VEGFC: variants seen among roughly 807,000 people sequenced by gnomAD.
The protein encoded by VEGFC is FLT4 ligand DHM.
A neutral mutation model predicts 46.1 loss-of-function variants in VEGFC; 12 were observed. The ratio of observed to expected loss-of-function variants is 0.26; its 90% CI spans 0.17 to 0.42. The LOEUF (loss-of-function observed/expected upper bound fraction) is 0.42, where lower values mean the gene tolerates loss of function less well. VEGFC is among the 10% of genes least tolerant of loss of function. The pLI is 1.00. For missense variants in VEGFC, 488 were observed against 529.4 expected, an observed-to-expected ratio of 0.92 and a Z score of 0.77; for synonymous variants, 232 against 195.5, an observed-to-expected ratio of 1.19 and a Z score of -1.56.
intron 1 of VEGFC, among the ~76,000 whole-genome samples, chr4:176,731,005 T>G (rs1734953624): frequency 1.3e-5 from 2 of 152,118 alleles, no homozygotes; most frequent in South Asian, 4.1e-4. Context: ...AGTTTACCCT[T>G]TCACTACCAT....
At chr4:176,776,640 A>G (rs1432531829) in intron 1 of VEGFC, among the ~76,000 whole-genome samples, 3 of 152,250 alleles carry the variant, frequency 2.0e-5, no homozygotes, top group Non-Finnish European at 4.4e-5. Flanking sequence ...GAGAGAGAAG[A>G]ATATGGGTCA....
rs1340408424 is a variant in VEGFC, at chr4:176,740,346, T to G, written c.148-10600A>C. ...ATAAATAAATATATATAACTATATA[T>G]TTATATATAGTTATATATATTCTAT... On this transcript the variant is annotated intron_variant, in intron 1 of 6. Coordinates refer to ENST00000618562, the MANE Select transcript of VEGFC (RefSeq NM_005429.5). Among the ~76,000 whole-genome samples, 12 of 120,482 alleles carry G rather than the reference T, an allele frequency of 1.0e-4. No homozygotes were observed. In the South Asian group the frequency reaches 1.2e-3, roughly 12 times the overall value. The allele number at this position is 120,482 out of a possible 152,430, so 79.0% of individuals were successfully genotyped here. A position where few individuals can be genotyped will look rare whatever the true frequency, so the allele number is the denominator to read the frequency against.
At chr4:176,714,930 G>C (rs1465215770) in intron 3 of VEGFC, among the ~76,000 whole-genome samples, 1 of 152,120 alleles carries the variant, frequency 6.6e-6, no homozygotes, top group Non-Finnish European at 1.5e-5. Flanking sequence ...TGCTTTCAAA[G>C]GCTGCAAGAA....
intron 1 of VEGFC, among the ~76,000 whole-genome samples, chr4:176,780,381 C>CAAAAAAAAAAAAAAAAAAAAAAA (rs1252541684): frequency 1.6e-4 from 2 of 12,250 alleles, no homozygotes; most frequent in Non-Finnish European, 3.3e-4. Flanking sequence ...GACTCCATCT[C>CAAAAAAAAAAAAAAAAAAAAAAA]AAAAAAAAAA....
intron 1 of VEGFC, among the ~76,000 whole-genome samples, chr4:176,764,962 A>G (rs1304612111): frequency 2.0e-5 from 3 of 152,174 alleles, no homozygotes; most frequent in African/African-American, 7.2e-5. Context: ...GGTATTGTAT[A>G]CTCAGGAAGC....
intron 1 of VEGFC, among the ~76,000 whole-genome samples, chr4:176,780,103 G>T (rs999156060): frequency 1.2e-4 from 18 of 152,182 alleles, no homozygotes; most frequent in African/African-American, 4.3e-4. Flanking sequence ...TTCTAGGCCA[G>T]GTGTGGTGGC....
intron 4 of VEGFC, among the ~76,000 whole-genome samples, chr4:176,707,237 A>T (rs1734550152): frequency 6.6e-6 from 1 of 152,220 alleles, no homozygotes; most frequent in South Asian, 2.1e-4. Flanking sequence ...TTCATAAGAA[A>T]CTGTCAACTG....
chr4:176,725,470 T>C (rs1351994807), intron 3 of VEGFC, among the ~76,000 whole-genome samples: 2 of 152,148 alleles, frequency 1.3e-5, no homozygotes, highest in African/African-American at 4.8e-5. Flanking sequence ...TGCCTAGCCA[T>C]AGATTTGGAT....
intron 1 of VEGFC, among the ~76,000 whole-genome samples, chr4:176,764,602 C>T (rs566868486): frequency 9.9e-5 from 15 of 152,238 alleles, no homozygotes; most frequent in Non-Finnish European, 4.4e-5. Flanking sequence ...AAAAAAATCT[C>T]ATAAATTCAT....
intron 2 of VEGFC, among the ~76,000 whole-genome samples, chr4:176,728,419 C>A (rs1196832334): frequency 1.3e-5 from 2 of 152,152 alleles, no homozygotes; most frequent in South Asian, 2.1e-4. Flanking sequence ...TATGAGAAGA[C>A]AGCTATGGTT....
intron 1 of VEGFC, among the ~76,000 whole-genome samples, chr4:176,736,660 ACT>A (rs978201392): frequency 4.6e-5 from 7 of 151,320 alleles, no homozygotes; most frequent in African/African-American, 9.7e-5. Flanking sequence ...AAAATAAAAG[ACT>A]CTTTCTTGGT....
intron 1 of VEGFC, among the ~76,000 whole-genome samples, chr4:176,750,339 T>C (rs983160906): frequency 5.3e-5 from 8 of 151,738 alleles, no homozygotes; most frequent in Non-Finnish European, 8.9e-5. Flanking sequence ...TAAAACTACA[T>C]GATGATTACA....
chr4:176,735,923 A>C, intron 1 of VEGFC, among the ~76,000 whole-genome samples: 1 of 151,964 alleles, frequency 6.6e-6, no homozygotes, highest in East Asian at 1.9e-4. Context: ...ACATTTAAAT[A>C]GCCTTCTATA....
At chr4:176,720,992 G>C (rs1734777215) in intron 3 of VEGFC, among the ~76,000 whole-genome samples, 1 of 152,104 alleles carries the variant, frequency 6.6e-6, no homozygotes, top group Non-Finnish European at 1.5e-5. Flanking sequence ...TTAGGCCTAA[G>C]GATGAGTAGA....
At chr4:176,695,819 T>A (rs1472352556) in intron 4 of VEGFC, among the ~76,000 whole-genome samples, 3 of 152,138 alleles carry the variant, frequency 2.0e-5, no homozygotes, top group Non-Finnish European at 4.4e-5. Context: ...GCAAGACTGG[T>A]TCAATATATG....
chr4:176,792,228 GGC>G lies in VEGFC; in HGVS notation c.82_83del (p.Ala28ArgfsTer40). The G allele has an allele frequency of 1.3e-6, 2 of 1,557,652 alleles. No individual in the cohort carries two copies. Among genetic ancestry groups the G allele is most frequent in the Non-Finnish European group, 1.7e-6 (2 of 1,155,202 alleles). On this transcript the variant is annotated frameshift_variant, in exon 1 of 7. Coordinates refer to ENST00000618562, the MANE Select transcript of VEGFC (RefSeq NM_005429.5). LOFTEE classifies it high-confidence loss of function. This position sits in a 1 kb window ranked among gnomAD's most constrained non-coding sequence, Gnocchi z 6.3. ...CGAGTCCGGACTCGAAGGCGGCGGC[GGC>G]GGCGGGCGCCTCGCGAGGACCCGGG... is the stretch of plus-strand genomic sequence containing the variant. ...LLPGPREAPA[A>X]AAAFESGLDL...
intron 1 of VEGFC, among the ~76,000 whole-genome samples, chr4:176,755,594 C>G (rs1006304575): frequency 2.0e-5 from 3 of 151,956 alleles, no homozygotes; most frequent in Non-Finnish European, 4.4e-5. Context: ...GCCTCAATTC[C>G]CTGTCTCAAA....
intron 1 of VEGFC, among the ~76,000 whole-genome samples, chr4:176,762,653 T>G (rs900214703): frequency 6.6e-6 from 1 of 152,248 alleles, no homozygotes; most frequent in Non-Finnish European, 1.5e-5. Context: ...TCTATTTATC[T>G]ACATACATGC....
intron 4 of VEGFC, among the ~76,000 whole-genome samples, chr4:176,701,307 T>A (rs1734427971): frequency 6.6e-6 from 1 of 152,224 alleles, no homozygotes; most frequent in African/African-American, 2.4e-5. Context: ...TCTAATATGA[T>A]ATTAACAAAA....
Sources: gnomAD v4.1 joint callset for allele counts (sites outside exome capture counted in the v4.1 genomes callset) on GRCh38, gnomAD v4.1.1 for gene constraint, Gnocchi (gnomAD v3.1) non-coding constraint, MANE v1.5 for transcripts, NCBI Gene and HGNC (gene_info 2026-07-23, HGNC 2026-07-21) for gene names.